Variants in PRDM16 observed in about 807,000 individuals in gnomAD.
PRDM16 encodes histone-lysine N-methyltransferase PRDM16.
In PRDM16, 23 loss-of-function variants were observed where a neutral mutation model predicts 110.6. That is an observed-to-expected ratio of 0.21 (90% confidence interval 0.15 to 0.29). The LOEUF (loss-of-function observed/expected upper bound fraction) is 0.29, where lower values mean the gene tolerates loss of function less well. PRDM16 is among the 10% of genes least tolerant of loss of function. The pLI, the probability that PRDM16 is intolerant of heterozygous loss-of-function variation, is 1.00. For missense variants in PRDM16, 1,615 were observed against 1,794.3 expected (o/e 0.90, Z 1.81); for synonymous variants, 799 against 781.8 (o/e 1.02, Z -0.37).
chr1:3,363,464 G>A (rs770427661), intron 3 of PRDM16, among the ~76,000 whole-genome samples: 5 of 152,144 alleles, frequency 3.3e-5, no homozygotes, highest in South Asian at 2.1e-4. Context: ...CGGTGAGCAC[G>A]GGGGAGCTGG....
rs1401719819 is a variant in PRDM16 at position 3,186,281 on chromosome 1, G to A, written c.194G>A (p.Gly65Asp). 1.9e-6 allele frequency: 3 copies of A among 1,611,540 alleles called. No individual in the cohort carries two copies. The highest frequency in any genetic ancestry group is 2.5e-6 in the Non-Finnish European group (3 of 1,179,348). The change falls in exon 2 of 17, where the codon GGC becomes GAC. Residue 65 changes from glycine (G) to aspartate (D), a missense_variant. Coordinates refer to ENST00000270722, the MANE Select transcript of PRDM16 (RefSeq NM_022114.4). The stretch of plus-strand genomic sequence containing the variant: ...AGCGAGGACTTCACCCCCAAGGAGG[G>A]CTCGCCGTACGAGGCCCCTGTCTAC... ...PTSEDFTPKEGSPYEAPVYIP... is the reference protein window; with the variant it reads ...PTSEDFTPKEDSPYEAPVYIP...
intron 2 of PRDM16, chr1:3,207,025 A>T (rs1390892249): frequency 6.6e-6 from 1 of 152,218 alleles, no homozygotes; most frequent in Non-Finnish European, 1.5e-5. Flanking sequence ...GAAGGTGGAA[A>T]AGGCCCATGG....
rs1050707476 is a variant in PRDM16, at chr1:3,082,703, C to T, written c.37+13407C>T. 4.6e-4 allele frequency among the ~76,000 whole-genome samples: 70 copies of T among 152,242 alleles called. 2 individuals are homozygous for T. The highest frequency in any genetic ancestry group is 3.6e-3 in the Admixed American group (55 of 15,290). ...AGCTGGACCTGGGGGGCTGGAGGCA[C>T]CCTGTTGCCGCAGCAAGGAGAGGTG... On this transcript the variant is annotated intron_variant, in intron 1 of 16. Transcript: ENST00000270722.
At chr1:3,102,072 T>C (rs887111362) in intron 1 of PRDM16, among the ~76,000 whole-genome samples, 10 of 152,058 alleles carry the variant, frequency 6.6e-5, no homozygotes, top group Admixed American at 1.3e-4. Context: ...GAAGGCAGAG[T>C]TGGGGAGGAT....
intron 3 of PRDM16, among the ~76,000 whole-genome samples, chr1:3,354,225 C>T (rs936443605): frequency 3.9e-5 from 6 of 152,088 alleles, no homozygotes; most frequent in African/African-American, 7.2e-5. Flanking sequence ...TTTGGCAGGC[C>T]GAGGTGGGTG....
At chr1:3,094,266 C>T (rs1642342238) in intron 1 of PRDM16, among the ~76,000 whole-genome samples, 1 of 152,238 alleles carries the variant, frequency 6.6e-6, no homozygotes, top group East Asian at 1.9e-4. Context: ...CCGCCATCCC[C>T]ACCCTGCCTC....
At chr1:3,262,728 A>G (rs1379530881) in intron 3 of PRDM16, among the ~76,000 whole-genome samples, 1 of 152,264 alleles carries the variant, frequency 6.6e-6, no homozygotes, top group Non-Finnish European at 1.5e-5. Context: ...CGATGACAGC[A>G]GTAATGACAA....
intron 16 of PRDM16, among the ~76,000 whole-genome samples, chr1:3,433,178 G>A (rs1638813954): frequency 6.6e-6 from 1 of 152,250 alleles, no homozygotes; most frequent in Non-Finnish European, 1.5e-5. Context: ...AAGCAGCCAA[G>A]GGAGCTGGTG....
chr1:3,181,384 ACGGC>A (rs1644176978), intron 1 of PRDM16, among the ~76,000 whole-genome samples: 1 of 14,698 alleles, frequency 6.8e-5, no homozygotes, highest in African/African-American at 1.2e-4. Flanking sequence ...AGTCTTACAC[ACGGC>A]CTTACGCATG....
intron 3 of PRDM16, among the ~76,000 whole-genome samples, chr1:3,302,521 C>T (rs1433258247): frequency 7.8e-6 from 1 of 128,584 alleles, no homozygotes; most frequent in African/African-American, 2.8e-5. Context: ...AAAAAAAATG[C>T]AATATTGCAA....
chr1:3,135,565 C>A (rs150853505), intron 1 of PRDM16, among the ~76,000 whole-genome samples: 11 of 152,136 alleles, frequency 7.2e-5, no homozygotes, highest in Non-Finnish European at 1.2e-4. Flanking sequence ...GAGCCCTCCC[C>A]CTCCGTGGCC....
At chr1:3,171,800 G>C (rs892110928) in intron 1 of PRDM16, among the ~76,000 whole-genome samples, 2 of 152,128 alleles carry the variant, frequency 1.3e-5, no homozygotes, top group African/African-American at 4.8e-5. Flanking sequence ...AAGCCTCCGG[G>C]TGAGAGGTGA....
In PRDM16 at chr1:3,143,386, G is replaced by T. The variant is rs1406529850; in HGVS notation, c.38-42739G>T. On this transcript the variant is annotated intron_variant, in intron 1 of 16. Coordinates refer to ENST00000270722, the MANE Select transcript of PRDM16 (RefSeq NM_022114.4). The surrounding 1 kb of genome is among the most constrained non-coding windows in gnomAD (Gnocchi z 4.5). ...CCCCTCGCCCCAGTCCCAGCAGGTG[G>T]CCTCCCCAACTTGAGCTGGGTTCAT... Among the ~76,000 whole-genome samples, 1 of 152,158 alleles carries T rather than the reference G, an allele frequency of 6.6e-6. No individual in the cohort carries two copies. Among genetic ancestry groups the T allele is most frequent in the East Asian group, 1.9e-4 (1 of 5,190 alleles).
chr1:3,165,991 A>G (rs887902424), intron 1 of PRDM16, among the ~76,000 whole-genome samples: 1 of 152,152 alleles, frequency 6.6e-6, no homozygotes, highest in Non-Finnish European at 1.5e-5. Flanking sequence ...GGACCCAACA[A>G]GGTGCATGGT....
intron 2 of PRDM16, among the ~76,000 whole-genome samples, chr1:3,227,033 T>A (rs972737295): frequency 6.6e-6 from 1 of 152,280 alleles, no homozygotes; most frequent in African/African-American, 2.4e-5. Context: ...TTCATACGTT[T>A]AATAATAGGC....
chr1:3,124,740 C>T (rs770292518), intron 1 of PRDM16, among the ~76,000 whole-genome samples: 1 of 152,236 alleles, frequency 6.6e-6, no homozygotes, highest in Non-Finnish European at 1.5e-5. Flanking sequence ...CGAAGCCCCC[C>T]TCCACCTAAG....
At chr1:3,252,168 G>C (rs1008876010) in intron 3 of PRDM16, among the ~76,000 whole-genome samples, 5 of 152,184 alleles carry the variant, frequency 3.3e-5, no homozygotes, top group Non-Finnish European at 5.9e-5. Flanking sequence ...CCCTCTTCCT[G>C]AGCCCTATCT....
chr1:3,426,242 G>A lies in PRDM16; in HGVS notation c.3284+17G>A, dbSNP rs376268478. On this transcript the variant is annotated intron_variant, in intron 14 of 16. Transcript: ENST00000270722. ...AGAGAAACGGTAAGAAAACTATCGC[G>A]GGCTGGGGAAAGTCTGGACCCGGCC... 2.2e-5 allele frequency: 35 copies of A among 1,608,136 alleles called. No homozygotes were observed. Among genetic ancestry groups the A allele is most frequent in the Admixed American group, 6.7e-5 (4 of 59,760 alleles).
intron 3 of PRDM16, among the ~76,000 whole-genome samples, chr1:3,322,027 TGTG>T: frequency 6.7e-6 from 1 of 148,302 alleles, no homozygotes; most frequent in East Asian, 2.0e-4. Context: ...TGAGTGCAGA[TGTG>T]TGTGAGAGTG....
Sources: gnomAD v4.1 joint callset for allele counts (sites outside exome capture counted in the v4.1 genomes callset) on GRCh38, gnomAD v4.1.1 for gene constraint, Gnocchi (gnomAD v3.1) non-coding constraint, MANE v1.5 for transcripts, NCBI Gene and HGNC (gene_info 2026-07-23, HGNC 2026-07-21) for gene names.